The following BNC2 variants were observed in gnomAD, a reference collection of about 807,000 sequenced individuals.
BNC2 encodes the protein basonuclin zinc finger protein 2.
In BNC2, 20 loss-of-function variants were observed where a neutral mutation model predicts 76.3. The ratio of observed to expected loss-of-function variants is 0.26; its 90% CI spans 0.18 to 0.38. The LOEUF is 0.38. BNC2 is among the 10% of genes least tolerant of loss of function. BNC2 has a pLI of 1.00. For synonymous variants in BNC2, 582 were observed against 514.8 expected, an observed-to-expected ratio of 1.13 and a Z score of -1.77; for missense variants, 1,382 against 1,399.8, an observed-to-expected ratio of 0.99 and a Z score of 0.20.
At chr9:16,733,816 G>A (rs539552769) in intron 2 of BNC2, among the ~76,000 whole-genome samples, 2 of 151,892 alleles carry the variant, frequency 1.3e-5, no homozygotes, top group African/African-American at 2.4e-5. Flanking sequence ...CTTGGGAGGT[G>A]GAAGTTGCAG....
intron 5 of BNC2, among the ~76,000 whole-genome samples, chr9:16,452,756 C>T (rs1360209832): frequency 1.3e-5 from 2 of 152,154 alleles, no homozygotes; most frequent in Non-Finnish European, 2.9e-5. Context: ...TTTCTTCCTT[C>T]ATCTTATCTT....
At chr9:16,851,303 T>C (rs1168139245) in intron 1 of BNC2, among the ~76,000 whole-genome samples, 1 of 151,384 alleles carries the variant, frequency 6.6e-6, no homozygotes, top group Non-Finnish European at 1.5e-5. Flanking sequence ...ATCCCAGGAG[T>C]TTGAGACCAG....
intron 3 of BNC2, among the ~76,000 whole-genome samples, chr9:16,652,949 C>T (rs1821833051): frequency 6.6e-6 from 1 of 152,112 alleles, no homozygotes; most frequent in Admixed American, 6.6e-5. Context: ...CAAGGGCACC[C>T]TGTGGGCCCT....
chr9:16,563,071 A>C (rs1819059913), intron 4 of BNC2, among the ~76,000 whole-genome samples: 1 of 152,200 alleles, frequency 6.6e-6, no homozygotes, highest in East Asian at 1.9e-4. Context: ...TCTAATAAAA[A>C]TTAAGTCAAA....
intron 1 of BNC2, among the ~76,000 whole-genome samples, chr9:16,779,130 A>AAAAAAAG (rs556932807): frequency 0.46 from 40,018 of 87,616 alleles, 9,585 homozygotes; most frequent in Non-Finnish European, 0.59. Context: ...AAAAAAAAAA[A>AAAAAAAG]AAAAGAAAAG....
intron 1 of BNC2, among the ~76,000 whole-genome samples, chr9:16,818,989 G>C (rs926612334): frequency 1.3e-5 from 2 of 152,096 alleles, no homozygotes; most frequent in Non-Finnish European, 2.9e-5. Flanking sequence ...ATAAAAAAAA[G>C]TCCCTTCATC....
chr9:16,490,108 T>C (rs1822243613), intron 5 of BNC2, among the ~76,000 whole-genome samples: 1 of 152,142 alleles, frequency 6.6e-6, no homozygotes, highest in African/African-American at 2.4e-5. Flanking sequence ...TTTCTCCCCA[T>C]TGTTAGAGTG....
intron 5 of BNC2, among the ~76,000 whole-genome samples, chr9:16,541,641 T>C (rs1818324086): frequency 6.6e-6 from 1 of 152,224 alleles, no homozygotes; most frequent in Non-Finnish European, 1.5e-5. Context: ...TCAATGTGTG[T>C]GCATGCTTAA....
intron 5 of BNC2, among the ~76,000 whole-genome samples, chr9:16,480,657 C>T (rs1236975534): frequency 6.6e-6 from 1 of 152,214 alleles, no homozygotes; most frequent in African/African-American, 2.4e-5. Flanking sequence ...CCCGGGCCAG[C>T]GGCTGCGGAG....
At chr9:16,633,158 AC>A (rs1256085922) in intron 3 of BNC2, among the ~76,000 whole-genome samples, 2 of 152,188 alleles carry the variant, frequency 1.3e-5, no homozygotes, top group Non-Finnish European at 2.9e-5. Flanking sequence ...TGCCTCTGCA[AC>A]ATAACGAAGA....
chr9:16,856,750 T>C (rs1166783909), intron 1 of BNC2, among the ~76,000 whole-genome samples: 1 of 152,220 alleles, frequency 6.6e-6, no homozygotes, highest in Non-Finnish European at 1.5e-5. Context: ...CAAGTATGTT[T>C]TCTTTTAAAT....
chr9:16,579,535 A>C (rs1258694653), intron 4 of BNC2, among the ~76,000 whole-genome samples: 1 of 152,176 alleles, frequency 6.6e-6, no homozygotes, highest in Non-Finnish European at 1.5e-5. Context: ...CACCTGTCTC[A>C]ACCTCGCAAA....
intron 1 of BNC2, among the ~76,000 whole-genome samples, chr9:16,849,390 C>T (rs1056080044): frequency 5.0e-5 from 7 of 138,626 alleles, no homozygotes; most frequent in Admixed American, 3.7e-4. Flanking sequence ...ATGGAGTCTC[C>T]CTCTGTCGCC....
Position 16,436,463 on chromosome 9 carries a change from G to C in BNC2, c.1731C>G (p.Leu577=). 6.2e-7 allele frequency: 1 copy of C among 1,614,088 alleles called. No individual in the cohort carries two copies. The change falls in exon 6 of 7, where the codon CTC becomes CTG. Residue 577 remains leucine (L), a synonymous_variant. Transcript: ENST00000380672. ...GAGGACTCACCATTTCCCCTGGAGT[G>C]AGTAAACTTCTATAAAATGGAGGAA... is the stretch of plus-strand genomic sequence containing the variant. ...QPVPPFYRSL[L]TPGEMVSPPT...
chr9:16,566,813 C>T (rs149141205), intron 4 of BNC2, among the ~76,000 whole-genome samples: 23 of 152,146 alleles, frequency 1.5e-4, no homozygotes, highest in African/African-American at 5.3e-4. Flanking sequence ...TCTATAAAGA[C>T]AGGATTATTT....
At position 16,840,710 on chromosome 9, in the gene BNC2, C is replaced by T. The variant is rs193071017; in HGVS notation, c.3+29936G>A. On this transcript the variant is annotated intron_variant, in intron 1 of 6. Transcript: ENST00000380672. ...GTATTCCTATGCTTGTTACCTGCCACAGAAACCAAGTACAATGTTTATAAA... is the reference window on the plus strand; with the variant it reads ...GTATTCCTATGCTTGTTACCTGCCATAGAAACCAAGTACAATGTTTATAAA... 9.9e-5 allele frequency among the ~76,000 whole-genome samples: 15 copies of T among 152,274 alleles called. No homozygotes were observed. In the East Asian group the frequency reaches 2.1e-3, roughly 22 times the overall value.
At chr9:16,728,650 G>A (rs1824420580) in intron 2 of BNC2, among the ~76,000 whole-genome samples, 1 of 150,894 alleles carries the variant, frequency 6.6e-6, no homozygotes, top group Non-Finnish European at 1.5e-5. Flanking sequence ...CGTATGTGCT[G>A]GGCTATTTAT....
At chr9:16,683,545 C>T (rs4961731) in intron 3 of BNC2, among the ~76,000 whole-genome samples, 136,602 of 152,124 alleles carry the variant, frequency 0.9, 61,413 homozygotes, top group Non-Finnish European at 0.93. Flanking sequence ...CTATAGTGAG[C>T]TCCCTAGAGT....
intron 5 of BNC2, 94 bp downstream of exon 5, chr9:16,552,436 G>A: frequency 9.9e-7 from 1 of 1,014,356 alleles, no homozygotes; most frequent in South Asian, 1.4e-5. Flanking sequence ...AGAGGAGGGT[G>A]TGCAGCCCTT....
Sources: allele counts gnomAD v4.1 joint callset (sites outside exome capture counted in the v4.1 genomes callset), GRCh38; gene constraint gnomAD v4.1.1; transcripts MANE v1.5; gene names NCBI Gene and HGNC (gene_info 2026-07-23, HGNC 2026-07-21).